The following VTI1A variants were observed in gnomAD, a reference collection of about 807,000 sequenced individuals.
VTI1A encodes vesicle transport through interaction with t-SNAREs 1A, also known as vesicle transport through interaction with t-SNAREs homolog 1A.
Under a neutral mutation model 34.9 loss-of-function variants are expected in VTI1A, and 22 were observed. That is an observed-to-expected ratio of 0.63 (90% CI 0.45 to 0.90). VTI1A has a LOEUF of 0.90. Among genes scored for constraint, VTI1A ranks in the 40% least tolerant of loss-of-function variants. The pLI, the probability that VTI1A is intolerant of heterozygous loss-of-function variation, is 0.00. For missense variants in VTI1A, 268 were observed against 275.6 expected, an observed-to-expected ratio of 0.97 and a Z score of 0.20; for synonymous variants, 87 against 97.3, an observed-to-expected ratio of 0.89 and a Z score of 0.62.
intron 5 of VTI1A, among the ~76,000 whole-genome samples, chr10:112,575,325 A>T (rs1249702393): frequency 6.6e-6 from 1 of 152,244 alleles, no homozygotes; most frequent in Non-Finnish European, 1.5e-5. Flanking sequence ...AGTTTCTGAC[A>T]TGCAGATCTA....
intron 3 of VTI1A, among the ~76,000 whole-genome samples, chr10:112,512,996 G>C (rs763987213): frequency 5.3e-5 from 8 of 151,954 alleles, no homozygotes; most frequent in Non-Finnish European, 1.2e-4. Context: ...TGTTCATTTT[G>C]CTCAGGATTG....
chr10:112,835,642 G>A, the VTI1A span, among the ~76,000 whole-genome samples: 1 of 151,994 alleles, frequency 6.6e-6, no homozygotes, highest in African/African-American at 2.4e-5. Flanking sequence ...TCATGTTTAA[G>A]GTTTCTTTGT....
intron 7 of VTI1A, among the ~76,000 whole-genome samples, 162 bp from the exon 8 acceptor site, chr10:112,815,127 TC>T (rs1336223484): frequency 8.4e-6 from 1 of 119,754 alleles, no homozygotes; most frequent in Non-Finnish European, 1.7e-5. Flanking sequence ...GCGTGATGTC[TC>T]TTTCGCGCGC....
chr10:112,694,378 A>T (rs1848709364), intron 7 of VTI1A, among the ~76,000 whole-genome samples: 1 of 151,738 alleles, frequency 6.6e-6, no homozygotes, highest in South Asian at 2.1e-4. Context: ...GGATGGATGG[A>T]TGGATGGGTG....
At chr10:112,611,984 G>T (rs1033849579) in intron 5 of VTI1A, among the ~76,000 whole-genome samples, 1 of 152,060 alleles carries the variant, frequency 6.6e-6, no homozygotes, top group East Asian at 1.9e-4. Context: ...CTCGTGGTCC[G>T]CCCGCCTCGG....
At chr10:112,496,214 C>G (rs962364757) in intron 3 of VTI1A, among the ~76,000 whole-genome samples, 1 of 94,210 alleles carries the variant, frequency 1.1e-5, no homozygotes, top group African/African-American at 3.9e-5. Context: ...CGTCTCTAAA[C>G]AAAATAAAAA....
At chr10:112,591,105 A>C (rs913563138) in intron 5 of VTI1A, among the ~76,000 whole-genome samples, 15 of 152,236 alleles carry the variant, frequency 9.9e-5, no homozygotes, top group Middle Eastern at 3.4e-3. Flanking sequence ...TGTCTCAAAA[A>C]AAAGAGAAAG....
chr10:112,830,849 A>ATTTTTTTTTTTTTTTTTTTTTTTTTT, the VTI1A span, among the ~76,000 whole-genome samples: 1 of 33,512 alleles, frequency 3.0e-5, no homozygotes, highest in Non-Finnish European at 4.9e-5. Flanking sequence ...ATATATATAT[A>ATTTTTTTTTTTTTTTTTTTTTTTTTT]TTTTTTTTTT....
chr10:112,604,303 A>G (rs1844989845), intron 5 of VTI1A, among the ~76,000 whole-genome samples: 1 of 152,190 alleles, frequency 6.6e-6, no homozygotes, highest in Non-Finnish European at 1.5e-5. Flanking sequence ...TTAGGAAGAT[A>G]CATGTAAACA....
At chr10:112,728,758 C>T (rs576800359) in intron 7 of VTI1A, among the ~76,000 whole-genome samples, 40 of 152,278 alleles carry the variant, frequency 2.6e-4, no homozygotes, top group Non-Finnish European at 2.2e-4. Context: ...TGCACCAATG[C>T]CCTGACTCCT....
chr10:112,815,691 G>A lies in VTI1A; in HGVS notation c.*308G>A, dbSNP rs1191724864. The A allele has an allele frequency of 2.5e-5, 9 of 366,368 alleles. No individual in the cohort carries two copies. In the Admixed American group the frequency reaches 3.8e-4, roughly 15 times the overall value. The allele number at this position is 366,368 out of a possible 1,614,324, so 22.7% of individuals were successfully genotyped here. On this transcript the variant is annotated 3_prime_UTR_variant, in exon 8 of 8. Coordinates refer to ENST00000393077, the MANE Select transcript of VTI1A (RefSeq NM_145206.4). ...GCCCCAGTGACACTCCTAGCCCTCT[G>A]GACGTGTCAAGGGCCGTGGTTTGGG...
downstream of VTI1A, among the ~76,000 whole-genome samples, chr10:112,822,881 G>A (rs1045081320): frequency 1.1e-4 from 17 of 152,122 alleles, no homozygotes; most frequent in South Asian, 2.1e-4. Context: ...TCCAGGCCCC[G>A]AAGACACATG....
At chr10:112,478,950 C>A (rs756761023) in intron 3 of VTI1A, among the ~76,000 whole-genome samples, 18 of 152,096 alleles carry the variant, frequency 1.2e-4, no homozygotes, top group Non-Finnish European at 2.2e-4. Flanking sequence ...GGGCGGATCA[C>A]AAGGTCAAGA....
rs558554843 is a variant in VTI1A at position 112,511,434 on chromosome 10, G to C, written c.265-15653G>C. 1.5e-4 allele frequency among the ~76,000 whole-genome samples: 23 copies of C among 152,106 alleles called. No individual in the cohort carries two copies. In the South Asian group the frequency reaches 4.4e-3, roughly 29 times the overall value. On this transcript the variant is annotated intron_variant, in intron 3 of 7. Transcript: ENST00000393077. ...GATTTTTTGTATTTTAGTAGAAACAGGGTTTCACCATGTTGGCCAAGGATG... is the reference window on the plus strand; with the variant it reads ...GATTTTTTGTATTTTAGTAGAAACACGGTTTCACCATGTTGGCCAAGGATG...
At chr10:112,622,416 T>C (rs1485579128) in intron 5 of VTI1A, among the ~76,000 whole-genome samples, 2 of 151,734 alleles carry the variant, frequency 1.3e-5, no homozygotes, top group African/African-American at 2.4e-5. Flanking sequence ...AGTGCTATTT[T>C]TATGTATAAA....
chr10:112,622,577 C>T (rs1845774756), intron 5 of VTI1A, among the ~76,000 whole-genome samples: 2 of 151,828 alleles, frequency 1.3e-5, no homozygotes, highest in South Asian at 2.1e-4. Context: ...GCAGACTGGC[C>T]ATGTTTCAAA....
intron 5 of VTI1A, among the ~76,000 whole-genome samples, chr10:112,644,333 T>TCCC (rs1846692733): frequency 6.6e-6 from 1 of 152,198 alleles, no homozygotes; most frequent in Non-Finnish European, 1.5e-5. Flanking sequence ...CAGGTGGTAA[T>TCCC]AATGCCTATG....
chr10:112,509,496 GT>G (rs749955450), intron 3 of VTI1A, among the ~76,000 whole-genome samples: 14 of 152,190 alleles, frequency 9.2e-5, no homozygotes, highest in Non-Finnish European at 1.3e-4. Context: ...ACCTCTTCCA[GT>G]TTACATATCA....
intron 5 of VTI1A, among the ~76,000 whole-genome samples, chr10:112,643,670 A>C (rs1192567553): frequency 6.6e-6 from 1 of 152,220 alleles, no homozygotes; most frequent in Non-Finnish European, 1.5e-5. Context: ...AGAGAATCTC[A>C]TTCTGTACTG....
Sources: gnomAD v4.1 joint callset for allele counts (sites outside exome capture counted in the v4.1 genomes callset) on GRCh38, gnomAD v4.1.1 for gene constraint, MANE v1.5 for transcripts, NCBI Gene and HGNC (gene_info 2026-07-23, HGNC 2026-07-21) for gene names.